HPCAL1: variants seen among roughly 807,000 people sequenced by gnomAD.
HPCAL1 encodes the protein hippocalcin-like protein 1.
A neutral mutation model predicts 17.1 loss-of-function variants in HPCAL1; 8 were observed. That is an observed-to-expected ratio of 0.47 (90% CI 0.27 to 0.84). The LOEUF is 0.84. Ranked by LOEUF, HPCAL1 falls within the 40% of genes least tolerant of loss-of-function variation. The pLI, the probability that HPCAL1 is intolerant of heterozygous loss-of-function variation, is 0.13. For missense variants in HPCAL1, 165 were observed against 271.1 expected, an observed-to-expected ratio of 0.61 and a Z score of 2.75; for synonymous variants, 112 against 111.4, an observed-to-expected ratio of 1.01 and a Z score of -0.03.
intron 1 of HPCAL1, among the ~76,000 whole-genome samples, chr2:10,337,379 T>A (rs1485795321): frequency 6.6e-6 from 1 of 152,244 alleles, no homozygotes; most frequent in African/African-American, 2.4e-5. Context: ...GTTTTAACTG[T>A]CACTGCATTT....
chr2:10,399,141 C>T (rs1481480748), intron 2 of HPCAL1, among the ~76,000 whole-genome samples: 2 of 150,894 alleles, frequency 1.3e-5, no homozygotes, highest in African/African-American at 2.4e-5. Flanking sequence ...GGAGGTGGTC[C>T]GAGGTGTCCA....
In HPCAL1 at chr2:10,395,765, A is replaced by T. The variant is rs1668982519; in HGVS notation, c.-110-1070A>T. Among the ~76,000 whole-genome samples the T allele has an allele frequency of 6.6e-6, 1 of 152,158 alleles. No individual in the cohort carries two copies. The highest frequency in any genetic ancestry group is 6.5e-5 in the Admixed American group (1 of 15,284). ...TGGAAGACACATGATCTTGCAGGTA[A>T]TTAGCTCCTGTAAGCCTCCATTTTT... On this transcript the variant is annotated intron_variant, in intron 1 of 4. Coordinates refer to ENST00000307845, the MANE Select transcript of HPCAL1 (RefSeq NM_002149.4). The surrounding 1 kb of genome is among the most constrained non-coding windows in gnomAD (Gnocchi z 4.4).
rs199783948 is a variant in HPCAL1, at chr2:10,334,326, TG to T, written c.-111+31150del. ...AGCAAGACCCTGTTTTGTTTTGTTTTGTTTTTTAAACAAACAAAAAAACCAA... is the reference window on the plus strand; with the variant it reads ...AGCAAGACCCTGTTTTGTTTTGTTTTTTTTTTAAACAAACAAAAAAACCAA... On this transcript the variant is annotated intron_variant, in intron 1 of 4. Coordinates refer to ENST00000307845, the MANE Select transcript of HPCAL1 (RefSeq NM_002149.4). Among the ~76,000 whole-genome samples the T allele has an allele frequency of 4.6e-4, 69 of 151,318 alleles. No individual in the cohort carries two copies. In the East Asian group the frequency reaches 1.0e-2, roughly 22 times the overall value.
intron 2 of HPCAL1, among the ~76,000 whole-genome samples, chr2:10,412,516 A>T (rs942861962): frequency 6.6e-6 from 1 of 152,196 alleles, no homozygotes; most frequent in Non-Finnish European, 1.5e-5. Flanking sequence ...CTGCCCTGAC[A>T]GTTATGGAGG....
intron 1 of HPCAL1, among the ~76,000 whole-genome samples, chr2:10,332,682 A>G (rs937255177): frequency 2.0e-5 from 3 of 152,154 alleles, no homozygotes; most frequent in African/African-American, 7.2e-5. Flanking sequence ...CTCCTAATAC[A>G]GCAAGGAAGG....
At chr2:10,366,336 A>G (rs973014505) in intron 1 of HPCAL1, among the ~76,000 whole-genome samples, 4 of 152,238 alleles carry the variant, frequency 2.6e-5, no homozygotes, top group African/African-American at 9.6e-5. Context: ...CCCGGGTTCA[A>G]GCGATTCTTG....
intron 1 of HPCAL1, among the ~76,000 whole-genome samples, chr2:10,337,656 T>C (rs1664799031): frequency 1.3e-5 from 2 of 152,200 alleles, no homozygotes; most frequent in African/African-American, 4.8e-5. Context: ...CAGCTGGGGA[T>C]GAGGCGTAGA....
At chr2:10,388,975 A>G (rs948085775) in intron 1 of HPCAL1, among the ~76,000 whole-genome samples, 1 of 152,164 alleles carries the variant, frequency 6.6e-6, no homozygotes, top group Non-Finnish European at 1.5e-5. Context: ...TCTGCTGTCT[A>G]CCAGGCAAGT....
At chr2:10,378,480 G>T (rs112494229) in intron 1 of HPCAL1, among the ~76,000 whole-genome samples, 1 of 152,108 alleles carries the variant, frequency 6.6e-6, no homozygotes, top group Non-Finnish European at 1.5e-5. Flanking sequence ...CAGGGCGTCC[G>T]CATTGTCAGG....
intron 2 of HPCAL1, among the ~76,000 whole-genome samples, chr2:10,415,311 G>A (rs1224288498): frequency 2.0e-5 from 3 of 152,202 alleles, no homozygotes. Flanking sequence ...GCGGGAGCTG[G>A]AGGGGCTGGG....
intron 1 of HPCAL1, among the ~76,000 whole-genome samples, chr2:10,375,636 G>T (rs1667510147): frequency 6.6e-6 from 1 of 152,248 alleles, no homozygotes; most frequent in African/African-American, 2.4e-5. Flanking sequence ...CCTGTTAGCA[G>T]CTGTGTGACC....
chr2:10,313,704 A>G (rs74899716), intron 1 of HPCAL1, among the ~76,000 whole-genome samples: 7,941 of 152,290 alleles, frequency 0.052, 302 homozygotes, highest in African/African-American at 0.1. Context: ...AATGGGGCTT[A>G]GGGTTGAACA....
At position 10,333,728 on chromosome 2, in the gene HPCAL1, C is replaced by T. The variant is rs115986482; in HGVS notation, c.-111+30551C>T. On this transcript the variant is annotated intron_variant, in intron 1 of 4. Transcript: ENST00000307845. ...CAGAAAAACAGAGAAAAAAATTCCC[C>T]CATAACTACCCTGCCCACCTCCATA... Among the ~76,000 whole-genome samples the T allele has an allele frequency of 3.0e-3, 453 of 152,274 alleles. 3 individuals are homozygous for T. Among genetic ancestry groups the T allele is most frequent in the African/African-American group, 0.01 (430 of 41,536 alleles).
rs116567046 is a variant in HPCAL1, at chr2:10,392,563, G to C, written c.-110-4272G>C. Reference sequence around the variant, plus strand: ...CTTTCAGTCATAGTTGACATTTATTGAGTTCTTTCTATGTACCAAGCATTT... The same window carrying C: ...CTTTCAGTCATAGTTGACATTTATTCAGTTCTTTCTATGTACCAAGCATTT... On this transcript the variant is annotated intron_variant, in intron 1 of 4. Coordinates refer to ENST00000307845, the MANE Select transcript of HPCAL1 (RefSeq NM_002149.4). Among the ~76,000 whole-genome samples, 461 of 152,268 alleles carry C rather than the reference G, an allele frequency of 3.0e-3. 2 individuals are homozygous for C. Among genetic ancestry groups the C allele is most frequent in the African/African-American group, 0.011 (450 of 41,546 alleles).
chr2:10,352,005 A>T (rs1425836237), intron 1 of HPCAL1, among the ~76,000 whole-genome samples: 2 of 150,380 alleles, frequency 1.3e-5, no homozygotes, highest in African/African-American at 2.4e-5. Context: ...TGGGTTCAAG[A>T]GATTCTCATG....
intron 4 of HPCAL1, 144 bp downstream of exon 4, chr2:10,423,232 C>T: frequency 1.5e-6 from 1 of 665,768 alleles, no homozygotes; most frequent in East Asian, 2.7e-5. Context: ...CTGCCATGCC[C>T]AGGGAAGAGC....
At chr2:10,376,770 T>A (rs1667590657) in intron 1 of HPCAL1, among the ~76,000 whole-genome samples, 1 of 152,134 alleles carries the variant, frequency 6.6e-6, no homozygotes, top group Admixed American at 6.5e-5. Context: ...AATGCATATT[T>A]TATTTAAGTT....
At chr2:10,309,857 G>A (rs1018441573) in intron 1 of HPCAL1, among the ~76,000 whole-genome samples, 8 of 152,152 alleles carry the variant, frequency 5.3e-5, no homozygotes, top group African/African-American at 1.9e-4. Flanking sequence ...CCCATTGTAC[G>A]CCAGGTAGAT....
At chr2:10,326,103 C>T (rs1047036519) in intron 1 of HPCAL1, among the ~76,000 whole-genome samples, 4 of 152,148 alleles carry the variant, frequency 2.6e-5, no homozygotes, top group Admixed American at 6.5e-5. Flanking sequence ...TCTCTGGGTT[C>T]GACACCATCT....
Sources: allele counts gnomAD v4.1 joint callset (sites outside exome capture counted in the v4.1 genomes callset), GRCh38; gene constraint gnomAD v4.1.1; non-coding constraint Gnocchi (gnomAD v3.1); transcripts MANE v1.5; gene names NCBI Gene and HGNC (gene_info 2026-07-23, HGNC 2026-07-21).